The following UGT1A4 variants were observed in gnomAD, a reference collection of about 807,000 sequenced individuals.
UGT1A4 encodes UDP glucuronosyltransferase family 1 member A4.
In UGT1A4, 32 loss-of-function variants were observed where a neutral mutation model predicts 41.1. The observed-to-expected ratio is 0.78, with a 90% confidence interval of 0.59 to 1.05. The LOEUF (loss-of-function observed/expected upper bound fraction) is 1.05. Among genes scored for constraint, UGT1A4 ranks in the 50% least tolerant of loss-of-function variants. The pLI is 0.00. For missense variants in UGT1A4, 748 were observed against 677.4 expected, an observed-to-expected ratio of 1.10 and a Z score of -1.16; for synonymous variants, 283 against 265.1, an observed-to-expected ratio of 1.07 and a Z score of -0.66.
intron 1 of UGT1A4, among the ~76,000 whole-genome samples, chr2:233,738,200 C>A (rs1199969775): frequency 6.6e-6 from 1 of 152,170 alleles, no homozygotes; most frequent in Non-Finnish European, 1.5e-5. Context: ...CTCTCTCTCA[C>A]TTTCTGCCAG....
chr2:233,759,735 A>G (rs1426005691), intron 1 of UGT1A4, among the ~76,000 whole-genome samples: 1 of 152,016 alleles, frequency 6.6e-6, no homozygotes, highest in Non-Finnish European at 1.5e-5. Flanking sequence ...CTGCAGCCTC[A>G]AGACCCCACA....
intron 1 of UGT1A4, among the ~76,000 whole-genome samples, chr2:233,754,115 A>G (rs1254927549): frequency 6.6e-6 from 1 of 152,216 alleles, no homozygotes; most frequent in Non-Finnish European, 1.5e-5. Context: ...CTACATCACG[A>G]GCATTTATGT....
intron 1 of UGT1A4, among the ~76,000 whole-genome samples, chr2:233,731,858 A>G (rs1373548311): frequency 6.6e-6 from 1 of 152,232 alleles, no homozygotes; most frequent in African/African-American, 2.4e-5. Context: ...AGGAATCGCC[A>G]CACTGTCTTC....
intron 2 of UGT1A4, 81 bp from the exon 3 acceptor site, chr2:233,767,768 G>T: frequency 6.2e-7 from 1 of 1,610,138 alleles, no homozygotes. Context: ...GAGGACCCCT[G>T]TTTTCTAGTT....
In UGT1A4 at chr2:233,767,014, A is replaced by C. The variant is rs1355233349; in HGVS notation, c.868-20A>C. The C allele has an allele frequency of 5.6e-6, 9 of 1,613,832 alleles. No individual in the cohort carries two copies. Among genetic ancestry groups the C allele is most frequent in the Non-Finnish European group, 1.7e-6 (2 of 1,179,972 alleles). On this transcript the variant is annotated intron_variant, in intron 1 of 4. Coordinates refer to ENST00000373409, the MANE Select transcript of UGT1A4 (RefSeq NM_007120.3). ...AGAATATGAGAAAAAATTAACTGAA[A>C]ATTTTTCTTCTGGCTCTAGGAATTT...
chr2:233,733,504 G>A lies in UGT1A4; in HGVS notation c.867+13817G>A, dbSNP rs556302512. ...TCCATCAATACCTAGTTTATTGCCA[G>A]TTTTAGGCATGAAGGGATGTTTAAT... On this transcript the variant is annotated intron_variant, in intron 1 of 4. Coordinates refer to ENST00000373409, the MANE Select transcript of UGT1A4 (RefSeq NM_007120.3). 2.0e-5 allele frequency among the ~76,000 whole-genome samples: 3 copies of A among 152,294 alleles called. No individual in the cohort carries two copies. In the South Asian group the frequency reaches 6.2e-4, roughly 32 times the overall value.
At chr2:233,734,546 C>T (rs975748353) in intron 1 of UGT1A4, among the ~76,000 whole-genome samples, 34 of 152,032 alleles carry the variant, frequency 2.2e-4, no homozygotes, top group East Asian at 1.9e-4. Flanking sequence ...TATTTCTTCC[C>T]TTCTGCTAGC....
At chr2:233,743,497 A>C (rs1692318154) in intron 1 of UGT1A4, 1 of 1,367,094 alleles carries the variant, frequency 7.3e-7, no homozygotes, top group Admixed American at 1.9e-5. Context: ...GGCAGAGAAA[A>C]GGGGTGCAGA....
At position 233,772,474 on chromosome 2, in the gene UGT1A4, C is replaced by G; in HGVS notation, c.1520C>G (p.Thr507Ser). The G allele has an allele frequency of 6.2e-7, 1 of 1,614,104 alleles. No individual in the cohort carries two copies. Among genetic ancestry groups the G allele is most frequent in the Non-Finnish European group, 8.5e-7 (1 of 1,180,024 alleles). Residue 507 changes from threonine (T) to serine (S), a missense_variant, in exon 5 of 5, where the codon ACC (threonine) becomes AGC (serine). By Grantham distance (58) the Thr-to-Ser change is moderately conservative. Transcript: ENST00000373409. ...GTCGTGCTGACAGTGGCCTTCATCA[C>G]CTTTAAATGTTGTGCTTATGGCTAC... is the stretch of plus-strand genomic sequence containing the variant. The part of the protein sequence containing the change: ...LAVVLTVAFI[T>S]FKCCAYGYRK...
chr2:233,742,808 G>A (rs1235624978), intron 1 of UGT1A4: 1 of 153,400 alleles, frequency 6.5e-6, no homozygotes, highest in Non-Finnish European at 1.4e-5. Flanking sequence ...CAGAAGTATT[G>A]ATATTATTTG....
rs187355953 is a variant in UGT1A4 at position 233,736,029 on chromosome 2, T to A, written c.867+16342T>A. 5.3e-3 allele frequency among the ~76,000 whole-genome samples: 815 copies of A among 152,350 alleles called. 8 individuals are homozygous for A. The highest frequency in any genetic ancestry group is 0.019 in the African/African-American group (776 of 41,576). On this transcript the variant is annotated intron_variant, in intron 1 of 4. Transcript: ENST00000373409. ...CGAGGAGTATCTTTGTGGTGTTCTC[T>A]GTATTTCCTGAATTTGAATGTTGGC... is the stretch of plus-strand genomic sequence containing the variant.
chr2:233,719,129 A>C lies in UGT1A4; in HGVS notation c.309A>C (p.Thr103=), dbSNP rs1422705774. 6 of 1,614,158 alleles carry C rather than the reference A, an allele frequency of 3.7e-6. No individual in the cohort carries two copies. In the African/African-American group the frequency reaches 6.7e-5, roughly 18 times the overall value. ...TLGYTQGFFE[T]EHLLKRYSRS... ...GCTACACTCAAGGGTTCTTTGAAACAGAACATCTTCTGAAGAGATATTCTA... is the reference window on the plus strand; with the variant it reads ...GCTACACTCAAGGGTTCTTTGAAACCGAACATCTTCTGAAGAGATATTCTA... Residue 103 remains threonine (T), a synonymous_variant, in exon 1 of 5, where the codon ACA becomes ACC. Transcript: ENST00000373409.
At chr2:233,732,132 GT>G (rs869109259) in intron 1 of UGT1A4, among the ~76,000 whole-genome samples, 1 of 57,612 alleles carries the variant, frequency 1.7e-5, no homozygotes, top group African/African-American at 9.7e-5. Context: ...TGATGAGGTT[GT>G]TTGTTTGTTT....
intron 1 of UGT1A4, among the ~76,000 whole-genome samples, chr2:233,744,706 AC>A (rs1231946729): frequency 1.3e-5 from 2 of 151,886 alleles, no homozygotes; most frequent in Non-Finnish European, 2.9e-5. Context: ...TCCACTGTAC[AC>A]TTGTGAGAGA....
In UGT1A4 at chr2:233,729,871, C is replaced by G. The variant is rs752223675; in HGVS notation, c.867+10184C>G. On this transcript the variant is annotated intron_variant, in intron 1 of 4. Coordinates refer to ENST00000373409, the MANE Select transcript of UGT1A4 (RefSeq NM_007120.3). Reference sequence around the variant, plus strand: ...GAGAGAGGTGTCAGTGGTGGATATTCTCAGTCATGCATCTGTGTGGCTGTT... The same window carrying G: ...GAGAGAGGTGTCAGTGGTGGATATTGTCAGTCATGCATCTGTGTGGCTGTT... The G allele has an allele frequency of 1.5e-5, 25 of 1,613,730 alleles. No homozygotes were observed. Among genetic ancestry groups the G allele is most frequent in the African/African-American group, 4.0e-5 (3 of 74,882 alleles).
intron 1 of UGT1A4, among the ~76,000 whole-genome samples, chr2:233,724,618 G>T (rs1325870277): frequency 7.3e-6 from 1 of 137,158 alleles, no homozygotes; most frequent in South Asian, 2.8e-4. Context: ...GGGCAGAGAC[G>T]CTCCTCACTT....
chr2:233,750,583 G>C (rs1175695662), intron 1 of UGT1A4: 1 of 151,928 alleles, frequency 6.6e-6, no homozygotes, highest in Non-Finnish European at 1.5e-5. Context: ...TCACAGGCCT[G>C]GAGGCCTAGG....
chr2:233,757,535 A>AATAAATATACATATACATATATAT (rs1553619837), intron 1 of UGT1A4, among the ~76,000 whole-genome samples: 10 of 88,300 alleles, frequency 1.1e-4, no homozygotes, highest in South Asian at 5.2e-4. Context: ...GCCTGTAAGG[A>AATAAATATACATATACATATATAT]ATATATATAT....
At chr2:233,763,477 G>T (rs553290095) in intron 1 of UGT1A4, among the ~76,000 whole-genome samples, 67 of 152,208 alleles carry the variant, frequency 4.4e-4, no homozygotes, top group South Asian at 2.7e-3. Context: ...TAATAGATTT[G>T]ATTGTAACTC....
Sources: allele counts gnomAD v4.1 joint callset (sites outside exome capture counted in the v4.1 genomes callset), GRCh38; gene constraint gnomAD v4.1.1; transcripts MANE v1.5; gene names NCBI Gene and HGNC (gene_info 2026-07-23, HGNC 2026-07-21).